CSNK2A2IP: variants seen among roughly 807,000 people sequenced by gnomAD.
CSNK2A2IP encodes the protein casein kinase II subunit alpha'-interacting protein.
At chr3:88,428,383 T>G in the CSNK2A2IP span, among the ~76,000 whole-genome samples, 1 of 152,224 alleles carries the variant, frequency 6.6e-6, no homozygotes, top group East Asian at 1.9e-4. Flanking sequence ...GAGTTAGGAC[T>G]TTGGGGAACT....
chr3:88,440,806 A>T, the CSNK2A2IP span, among the ~76,000 whole-genome samples: 2 of 152,252 alleles, frequency 1.3e-5, no homozygotes, highest in Admixed American at 1.3e-4. Flanking sequence ...GATTATCTCA[A>T]CATCTTTCTG....
the CSNK2A2IP span, among the ~76,000 whole-genome samples, chr3:88,430,398 A>G: frequency 1.3e-5 from 2 of 152,094 alleles, no homozygotes; most frequent in Non-Finnish European, 2.9e-5. Flanking sequence ...AATATATATG[A>G]GCATTTATAT....
the CSNK2A2IP span, among the ~76,000 whole-genome samples, chr3:88,366,869 A>G: frequency 7.2e-5 from 11 of 152,148 alleles, no homozygotes; most frequent in African/African-American, 2.2e-4. Flanking sequence ...AGGCCTCACA[A>G]TCATGGCTGA....
chr3:88,366,092 T>TTC, the CSNK2A2IP span, among the ~76,000 whole-genome samples: 60,977 of 151,946 alleles, frequency 0.4, 14,493 homozygotes, highest in South Asian at 0.6. Flanking sequence ...TTTGGCAATA[T>TTC]TCTCTTTCAT....
the CSNK2A2IP span, among the ~76,000 whole-genome samples, chr3:88,445,946 C>T: frequency 9.7e-6 from 1 of 102,858 alleles, no homozygotes; most frequent in South Asian, 3.0e-4. Flanking sequence ...TTCTTTCTTT[C>T]TCTCTCTCTC....
At chr3:88,442,163 C>A in the CSNK2A2IP span, among the ~76,000 whole-genome samples, 1 of 152,070 alleles carries the variant, frequency 6.6e-6, no homozygotes, top group Admixed American at 6.6e-5. Flanking sequence ...CACACAAACA[C>A]TAATTAGGTA....
chr3:88,393,622 C>G, the CSNK2A2IP span, among the ~76,000 whole-genome samples: 1 of 152,136 alleles, frequency 6.6e-6, no homozygotes, highest in African/African-American at 2.4e-5. Flanking sequence ...GTGACATATA[C>G]AGAATTTTAG....
At chr3:88,373,042 A>C in the CSNK2A2IP span, among the ~76,000 whole-genome samples, 1 of 151,530 alleles carries the variant, frequency 6.6e-6, no homozygotes, top group Non-Finnish European at 1.5e-5. Flanking sequence ...ACAGCTGTAA[A>C]TTATGTTTCT....
chr3:88,461,087 CA>C, the CSNK2A2IP span, among the ~76,000 whole-genome samples: 99,006 of 149,388 alleles, frequency 0.66, 34,491 homozygotes, highest in Non-Finnish European at 0.76. Context: ...AACTCCGTCT[CA>C]AAAAAAAAAC....
At chr3:88,392,977 T>C in the CSNK2A2IP span, among the ~76,000 whole-genome samples, 1 of 152,176 alleles carries the variant, frequency 6.6e-6, no homozygotes, top group Non-Finnish European at 1.5e-5. Context: ...AACTGGAATC[T>C]ATCTGGAGAA....
the CSNK2A2IP span, chr3:88,466,787 T>C: frequency 1.2e-6 from 1 of 850,984 alleles, no homozygotes; most frequent in Non-Finnish European, 1.6e-6. Context: ...GTGGTTTGCT[T>C]AGCTTGTGCT....
the CSNK2A2IP span, among the ~76,000 whole-genome samples, chr3:88,412,675 C>T: frequency 0.42 from 63,072 of 151,510 alleles, 13,846 homozygotes; most frequent in East Asian, 0.53. Flanking sequence ...TTGTCAGGAG[C>T]ACTTCGTTGA....
At chr3:88,433,345 G>C in the CSNK2A2IP span, among the ~76,000 whole-genome samples, 1 of 151,838 alleles carries the variant, frequency 6.6e-6, no homozygotes, top group Non-Finnish European at 1.5e-5. Flanking sequence ...ATTTTTTGGT[G>C]ACATTTAATT....
At chr3:88,371,152 A>G in the CSNK2A2IP span, among the ~76,000 whole-genome samples, 2 of 151,894 alleles carry the variant, frequency 1.3e-5, no homozygotes, top group African/African-American at 4.8e-5. Flanking sequence ...TAGAAATAAG[A>G]AATATGAAAT....
the CSNK2A2IP span, among the ~76,000 whole-genome samples, chr3:88,411,192 A>C: frequency 6.6e-6 from 1 of 151,922 alleles, no homozygotes; most frequent in African/African-American, 2.4e-5. Flanking sequence ...ATTAAAATGC[A>C]TTTTCAAGGT....
the CSNK2A2IP span, among the ~76,000 whole-genome samples, chr3:88,362,709 G>C: frequency 6.6e-6 from 1 of 152,180 alleles, no homozygotes; most frequent in African/African-American, 2.4e-5. Flanking sequence ...ACCACGCTAA[G>C]GTGGCAGATT....
At chr3:88,407,786 C>G in the CSNK2A2IP span, among the ~76,000 whole-genome samples, 1 of 151,950 alleles carries the variant, frequency 6.6e-6, no homozygotes, top group African/African-American at 2.4e-5. Context: ...TGCAGTGGCG[C>G]GATCTCGGCT....
At chr3:88,460,573 C>A in the CSNK2A2IP span, among the ~76,000 whole-genome samples, 5 of 152,062 alleles carry the variant, frequency 3.3e-5, no homozygotes, top group Admixed American at 6.6e-5. Flanking sequence ...TTAGCATCAT[C>A]ATCATTTTTT....
At chr3:88,387,654 A>G in the CSNK2A2IP span, among the ~76,000 whole-genome samples, 1 of 152,186 alleles carries the variant, frequency 6.6e-6, no homozygotes, top group Non-Finnish European at 1.5e-5. Context: ...TCCACCTGGA[A>G]CTGCCTTTAA....
Sources: allele counts gnomAD v4.1 joint callset (sites outside exome capture counted in the v4.1 genomes callset), GRCh38; gene constraint gnomAD v4.1.1; transcripts MANE v1.5; gene names NCBI Gene and HGNC (gene_info 2026-07-23, HGNC 2026-07-21).